The following C17orf50 variants were observed in gnomAD, a reference collection of about 807,000 sequenced individuals.
C17orf50 encodes the protein plakoglobin binding and degradation factor.
C17orf50 carries 16 observed loss-of-function variants against 17.7 expected under a neutral mutation model. The ratio of observed to expected loss-of-function variants is 0.90; its 90% CI spans 0.61 to 1.37. C17orf50 has a LOEUF of 1.37. C17orf50 is among the 40% of genes most tolerant of loss of function. The pLI, the probability that C17orf50 is intolerant of heterozygous loss-of-function variation, is 0.00. For missense variants in C17orf50, 271 were observed against 240.7 expected, an observed-to-expected ratio of 1.13 and a Z score of -0.83; for synonymous variants, 125 against 111.0, an observed-to-expected ratio of 1.13 and a Z score of -0.80.
chr17:35,764,480 G>T lies in C17orf50; in HGVS notation c.387G>T (p.Pro129=). The T allele has an allele frequency of 6.4e-7, 1 of 1,569,436 alleles. No individual in the cohort carries two copies. The highest frequency in any genetic ancestry group is 8.6e-7 in the Non-Finnish European group (1 of 1,160,314). ...PCVLEIRRRP[P]RRGGCACCEL... The stretch of plus-strand genomic sequence containing the variant: ...TGCTGGAGATCCGGCGACGACCGCC[G>T]CGCCGCGGGGGCTGTGCTTGCTGCG... The change falls in exon 3 of 3, where the codon CCG becomes CCT. Residue 129 remains proline (P), a synonymous_variant. Coordinates refer to ENST00000605587, the MANE Select transcript of C17orf50 (RefSeq NM_145272.4).
Position 35,764,017 on chromosome 17 carries a change from C to G in C17orf50, c.24C>G (p.Thr8=). Residue 8 remains threonine, a synonymous_variant, in exon 2 of 3, where the codon ACC becomes ACG. Transcript: ENST00000605587. ...CCTCCCGGCCCGCAGGTGTGAAGACCCCCTTGTGGAAGAAGGAAACGGAAG... is the reference window on the plus strand; with the variant it reads ...CCTCCCGGCCCGCAGGTGTGAAGACGCCCTTGTGGAAGAAGGAAACGGAAG... MDKHGVK[T]PLWKKETEEL... is the part of the protein sequence containing the mutation. 1 of 1,543,764 alleles carries G rather than the reference C, an allele frequency of 6.5e-7. No homozygotes were observed. The highest frequency in any genetic ancestry group is 8.8e-7 in the Non-Finnish European group (1 of 1,142,472).
rs1555602340 is a variant in C17orf50, at chr17:35,764,461, A to G, written c.368A>G (p.Glu123Gly). 2 of 1,558,438 alleles carry G rather than the reference A, an allele frequency of 1.3e-6. No homozygotes were observed. The highest frequency in any genetic ancestry group is 1.7e-6 in the Non-Finnish European group (2 of 1,154,646). Residue 123 changes from glutamate (E) to glycine (G), a missense_variant, in exon 3 of 3, where the codon GAG becomes GGG. Transcript: ENST00000605587. The part of the protein sequence containing the change: ...RSLPEEPCVL[E>G]IRRRPPRRGG... ...CTCCCGGAGGAGCCGTGCGTGCTGG[A>G]GATCCGGCGACGACCGCCGCGCCGC...
Sources: allele counts gnomAD v4.1 joint callset, GRCh38; gene constraint gnomAD v4.1.1; transcripts MANE v1.5; gene names NCBI Gene and HGNC (gene_info 2026-07-23, HGNC 2026-07-21).